Variants in DLGAP1 observed in about 807,000 individuals in gnomAD.
DLGAP1 encodes the protein disks large-associated protein 1.
DLGAP1 carries 11 observed loss-of-function variants against 90.8 expected under a neutral mutation model. That is an observed-to-expected ratio of 0.12 (90% CI 0.08 to 0.20). DLGAP1 has a LOEUF of 0.20. DLGAP1 is among the 10% of genes least tolerant of loss of function. The probability of loss-of-function intolerance (pLI) is 1.00; values close to 1 mark genes in which losing one functional copy is unlikely to be tolerated. For missense variants in DLGAP1, 1,050 were observed against 1,333.8 expected, an observed-to-expected ratio of 0.79 and a Z score of 3.31; for synonymous variants, 558 against 540.7, an observed-to-expected ratio of 1.03 and a Z score of -0.44.
intron 7 of DLGAP1, among the ~76,000 whole-genome samples, chr18:3,673,714 T>A (rs1211493579): frequency 6.6e-6 from 1 of 150,890 alleles, no homozygotes; most frequent in African/African-American, 2.4e-5. Flanking sequence ...GCCCAGCTAA[T>A]TTTTTATTTT....
chr18:4,092,738 C>A (rs899591698), intron 2 of DLGAP1, among the ~76,000 whole-genome samples: 5 of 152,100 alleles, frequency 3.3e-5, no homozygotes, highest in African/African-American at 1.2e-4. Context: ...CAGGCTCACA[C>A]CACCTAGAGA....
chr18:3,855,334 C>T (rs942083307), intron 4 of DLGAP1, among the ~76,000 whole-genome samples: 6 of 152,198 alleles, frequency 3.9e-5, no homozygotes, highest in Non-Finnish European at 7.4e-5. Flanking sequence ...TCGGGTGTTA[C>T]GCTTATTACC....
At chr18:3,950,071 T>C (rs553231406) in intron 3 of DLGAP1, among the ~76,000 whole-genome samples, 1 of 152,284 alleles carries the variant, frequency 6.6e-6, no homozygotes, top group South Asian at 2.1e-4. Flanking sequence ...CAACTAAACA[T>C]CTCCATGTTC....
At chr18:4,241,287 G>A (rs1268578858) in intron 1 of DLGAP1, among the ~76,000 whole-genome samples, 1 of 152,144 alleles carries the variant, frequency 6.6e-6, no homozygotes, top group Admixed American at 6.6e-5. Flanking sequence ...TCTTGATTCG[G>A]TAAGTCTGGA....
At chr18:3,932,415 C>T (rs2072538884) in intron 3 of DLGAP1, among the ~76,000 whole-genome samples, 1 of 152,208 alleles carries the variant, frequency 6.6e-6, no homozygotes, top group South Asian at 2.1e-4. Context: ...CAGATGGGAA[C>T]AACCCCCACA....
chr18:4,207,902 C>A (rs1473499820), intron 1 of DLGAP1, among the ~76,000 whole-genome samples: 1 of 152,126 alleles, frequency 6.6e-6, no homozygotes, highest in Non-Finnish European at 1.5e-5. Context: ...AGAATAAATG[C>A]CTCATATTGT....
At chr18:3,535,245 G>A (rs930603524) in intron 9 of DLGAP1, among the ~76,000 whole-genome samples, 1 of 152,050 alleles carries the variant, frequency 6.6e-6, no homozygotes, top group African/African-American at 2.4e-5. Context: ...TTTTATAGGT[G>A]GAAAAGTGCT....
rs1349155388 is a variant in DLGAP1, at chr18:3,526,041, T to C, written c.2479+8153A>G. Among the ~76,000 whole-genome samples, 1 of 152,220 alleles carries C rather than the reference T, an allele frequency of 6.6e-6. No homozygotes were observed. ...ACATTACAGCCGATTTCCTTTTCATTACTGCCACTTCCTCTGCGGTCACTA... is the reference window on the plus strand; with the variant it reads ...ACATTACAGCCGATTTCCTTTTCATCACTGCCACTTCCTCTGCGGTCACTA... On this transcript the variant is annotated intron_variant, in intron 10 of 12. Transcript: ENST00000315677. This position sits in a 1 kb window ranked among gnomAD's most constrained non-coding sequence, Gnocchi z 4.7.
At position 3,548,094 on chromosome 18, in the gene DLGAP1, G is replaced by A. The variant is rs574904786; in HGVS notation, c.2058-13479C>T. On this transcript the variant is annotated intron_variant, in intron 9 of 12. Coordinates refer to ENST00000315677, the MANE Select transcript of DLGAP1 (RefSeq NM_004746.4). ...TTAGCAGTTACAGAGACTGGGAGGA[G>A]AAAGGAATGCAGTGAGTACTAATGG... 7.2e-5 allele frequency among the ~76,000 whole-genome samples: 11 copies of A among 152,324 alleles called. 1 individual carries two copies. Among genetic ancestry groups the A allele is most frequent in the African/African-American group, 2.4e-4 (10 of 41,578 alleles).
chr18:4,339,145 A>G (rs6506197), intron 1 of DLGAP1, among the ~76,000 whole-genome samples: 70,536 of 152,014 alleles, frequency 0.46, 17,137 homozygotes, highest in Non-Finnish European at 0.53. Context: ...TGACTCTTTC[A>G]GTCTACTGAG....
rs557235751 is a variant in DLGAP1, at chr18:3,690,502, C to T, written c.1591+38633G>A. On this transcript the variant is annotated intron_variant, in intron 7 of 12. Transcript: ENST00000315677. ...GAGTCATCTTTGGGATATCCAAAGA[C>T]GAGCTGGGGCCCTTGATTGATTCTG... Among the ~76,000 whole-genome samples, 40 of 152,136 alleles carry T rather than the reference C, an allele frequency of 2.6e-4. No individual in the cohort carries two copies. In the South Asian group the frequency reaches 6.2e-3, roughly 24 times the overall value.
chr18:4,318,800 T>C (rs952806279), intron 1 of DLGAP1, among the ~76,000 whole-genome samples: 9 of 152,206 alleles, frequency 5.9e-5, no homozygotes, highest in African/African-American at 2.2e-4. Flanking sequence ...ACTGAAGTTG[T>C]CATATGTTTA....
Position 3,496,530 on chromosome 18 carries a change from TA to T in DLGAP1, c.*2654del, listed in dbSNP as rs2049701369. 1 of 152,124 alleles carries T rather than the reference TA, an allele frequency of 6.6e-6. No individual in the cohort carries two copies. Among genetic ancestry groups the T allele is most frequent in the Admixed American group, 6.6e-5 (1 of 15,266 alleles). 9.4% of individuals were successfully genotyped at this position (152,124 alleles called of 1,614,324 possible). ...ATCTGCAAAAAATATAATAAATACT[TA>T]ATTTCTTTGAACGTTTTTTGATGTG... On this transcript the variant is annotated 3_prime_UTR_variant, in exon 13 of 13. Coordinates refer to ENST00000315677, the MANE Select transcript of DLGAP1 (RefSeq NM_004746.4).
At chr18:3,730,907 T>C (rs2147481908) in intron 6 of DLGAP1, among the ~76,000 whole-genome samples, 1 of 152,330 alleles carries the variant, frequency 6.6e-6, no homozygotes, top group Middle Eastern at 3.4e-3. Context: ...TATCTCTATA[T>C]ATCCTTGTTT....
At chr18:4,254,117 G>A (rs2078838037) in intron 1 of DLGAP1, among the ~76,000 whole-genome samples, 2 of 152,168 alleles carry the variant, frequency 1.3e-5, no homozygotes, top group South Asian at 4.2e-4. Context: ...GTCAATAGGA[G>A]TAAGAACAAG....
chr18:3,717,450 A>G (rs773875756), intron 7 of DLGAP1, among the ~76,000 whole-genome samples: 5 of 152,184 alleles, frequency 3.3e-5, no homozygotes, highest in Non-Finnish European at 7.3e-5. Flanking sequence ...AAAGAAAAGG[A>G]AGGCTTTCTC....
At chr18:4,453,265 C>A (rs1267339405) in intron 1 of DLGAP1, among the ~76,000 whole-genome samples, 2 of 152,036 alleles carry the variant, frequency 1.3e-5, no homozygotes, top group Non-Finnish European at 2.9e-5. Context: ...CCAAGGGTAG[C>A]GTTTATAACT....
intron 1 of DLGAP1, among the ~76,000 whole-genome samples, chr18:4,345,494 C>T (rs747836178): frequency 6.6e-6 from 1 of 152,166 alleles, no homozygotes; most frequent in Non-Finnish European, 1.5e-5. Context: ...TCATCATAAC[C>T]AGTTGAAAGG....
At chr18:3,506,142 G>A (rs2050202593) in intron 11 of DLGAP1, among the ~76,000 whole-genome samples, 1 of 152,100 alleles carries the variant, frequency 6.6e-6, no homozygotes. Flanking sequence ...GGAGGCTGAG[G>A]CAGGAGAATA....
Sources: allele counts gnomAD v4.1 joint callset (sites outside exome capture counted in the v4.1 genomes callset), GRCh38; gene constraint gnomAD v4.1.1; non-coding constraint Gnocchi (gnomAD v3.1); transcripts MANE v1.5; gene names NCBI Gene and HGNC (gene_info 2026-07-23, HGNC 2026-07-21).